The following KIAA1217 variants were observed in gnomAD, a reference collection of about 807,000 sequenced individuals.
The protein encoded by KIAA1217 is sickle tail protein homolog.
KIAA1217 carries 88 observed loss-of-function variants against 163.9 expected under a neutral mutation model. The observed-to-expected ratio is 0.54, with a 90% CI of 0.45 to 0.64. The LOEUF is 0.64. Ranked by LOEUF, KIAA1217 falls within the 30% of genes least tolerant of loss-of-function variation. KIAA1217 has a pLI of 0.00. For missense variants in KIAA1217, 2,372 were observed against 2,475.0 expected, an observed-to-expected ratio of 0.96 and a Z score of 0.88; for synonymous variants, 903 against 923.1, an observed-to-expected ratio of 0.98 and a Z score of 0.39.
At chr10:24,484,241 A>ATATATATATATTTTTTTTTTT (rs1376083298) in intron 6 of KIAA1217, among the ~76,000 whole-genome samples, 17 of 75,150 alleles carry the variant, frequency 2.3e-4, no homozygotes, top group Non-Finnish European at 3.0e-4. Context: ...ATATATATAT[A>ATATATATATATTTTTTTTTTT]TTTTTTTTTT....
chr10:23,787,641 T>C (rs1179250092), intron 1 of KIAA1217, among the ~76,000 whole-genome samples: 1 of 152,152 alleles, frequency 6.6e-6, no homozygotes, highest in Non-Finnish European at 1.5e-5. Flanking sequence ...TTGCTGGGAA[T>C]TGTGAGGAGA....
chr10:23,716,234 T>G (rs969012415), intron 1 of KIAA1217, among the ~76,000 whole-genome samples: 1 of 152,140 alleles, frequency 6.6e-6, no homozygotes, highest in Non-Finnish European at 1.5e-5. Context: ...CTTTATGAAA[T>G]AAATGAACAA....
At chr10:23,938,683 A>T (rs1268123544) in intron 1 of KIAA1217, among the ~76,000 whole-genome samples, 8 of 151,870 alleles carry the variant, frequency 5.3e-5, no homozygotes, top group Admixed American at 5.2e-4. Flanking sequence ...AAAAAAAAGG[A>T]TGTGCCTCGG....
chr10:24,433,144 T>G lies in KIAA1217; in HGVS notation c.703T>G (p.Tyr235Asp). The change falls in exon 4 of 21, where the codon TAC becomes GAC. Residue 235 changes from tyrosine (Y) to aspartate (D), a missense_variant. Tyr to Asp is a radical substitution (Grantham distance 160). This residue lies in a region of KIAA1217 where 1,431 missense variants were observed against 1,470.3 expected (regional missense o/e 0.97). Coordinates refer to ENST00000376454, the MANE Select transcript of KIAA1217 (RefSeq NM_019590.5). ...GCTGGAATCGCCCAGTGTCGCCATT[T>G]ACATCAAAGATGAAAGCAGAAATGT... ...KMLESPSVAI[Y>D]IKDESRNVYY... 2 of 1,614,178 alleles carry G rather than the reference T, an allele frequency of 1.2e-6. No individual in the cohort carries two copies. Among genetic ancestry groups the G allele is most frequent in the Non-Finnish European group, 1.7e-6 (2 of 1,180,034 alleles).
At chr10:23,981,164 A>T (rs1051509554) in intron 1 of KIAA1217, among the ~76,000 whole-genome samples, 1 of 152,232 alleles carries the variant, frequency 6.6e-6, no homozygotes, top group Non-Finnish European at 1.5e-5. Context: ...ACTGTTGAAG[A>T]TATTTATCAA....
chr10:24,430,175 C>T (rs1026193666), intron 3 of KIAA1217, among the ~76,000 whole-genome samples: 5 of 152,156 alleles, frequency 3.3e-5, no homozygotes, highest in African/African-American at 1.2e-4. Flanking sequence ...AAGTTTGTCT[C>T]TTCTCATGGG....
chr10:24,494,524 A>G lies in KIAA1217; in HGVS notation c.1704A>G (p.Lys568=), dbSNP rs776365544. 2.5e-6 allele frequency: 4 copies of G among 1,613,946 alleles called. No individual in the cohort carries two copies. In the East Asian group the frequency reaches 8.9e-5, roughly 36 times the overall value. ...ETRERMQAME[K]QIASLTGLVQ... is the part of the protein sequence containing the mutation. ...GAGAGAGGATGCAAGCCATGGAGAAACAGATTGCCAGTTTAACTGGCCTTG... is the reference window on the plus strand; with the variant it reads ...GAGAGAGGATGCAAGCCATGGAGAAGCAGATTGCCAGTTTAACTGGCCTTG... The change falls in exon 7 of 21, where the codon AAA becomes AAG. Residue 568 remains lysine, a synonymous_variant. Coordinates refer to ENST00000376454, the MANE Select transcript of KIAA1217 (RefSeq NM_019590.5).
At chr10:23,761,513 G>A (rs923110642) in intron 1 of KIAA1217, among the ~76,000 whole-genome samples, 16 of 151,960 alleles carry the variant, frequency 1.1e-4, no homozygotes, top group African/African-American at 3.4e-4. Flanking sequence ...TCATTATTAC[G>A]GGAGTCATTC....
intron 1 of KIAA1217, among the ~76,000 whole-genome samples, chr10:23,778,192 G>A (rs374292885): frequency 4.6e-5 from 7 of 152,082 alleles, no homozygotes; most frequent in Middle Eastern, 3.4e-3. Flanking sequence ...CCCCCCCTTC[G>A]GCCTCCCAAA....
At chr10:24,251,997 G>C (rs960579) in intron 2 of KIAA1217, among the ~76,000 whole-genome samples, 107,923 of 151,204 alleles carry the variant, frequency 0.71, 38,779 homozygotes, top group Admixed American at 0.79. Context: ...ATCGTAGCAG[G>C]AATAAGGGAG....
At chr10:24,253,808 G>T (rs1206548870) in intron 2 of KIAA1217, among the ~76,000 whole-genome samples, 2 of 151,864 alleles carry the variant, frequency 1.3e-5, no homozygotes, top group Admixed American at 1.3e-4. Context: ...CCAGCTGCTC[G>T]GGAGGTTGAA....
intron 11 of KIAA1217, among the ~76,000 whole-genome samples, chr10:24,520,651 A>AAAAATATATAT (rs1554926857): frequency 2.5e-5 from 1 of 39,662 alleles, no homozygotes; most frequent in African/African-American, 8.8e-5. Flanking sequence ...AAAAAAAAAA[A>AAAAATATATAT]ATATATATAT....
chr10:23,954,133 C>T (rs1191444908), intron 1 of KIAA1217, among the ~76,000 whole-genome samples: 1 of 152,098 alleles, frequency 6.6e-6, no homozygotes, highest in Non-Finnish European at 1.5e-5. Context: ...GGGCCATTTC[C>T]AGGGGGCTGC....
intron 2 of KIAA1217, among the ~76,000 whole-genome samples, chr10:24,221,275 G>T (rs551399238): frequency 2.6e-5 from 4 of 151,220 alleles, no homozygotes; most frequent in African/African-American, 9.7e-5. Flanking sequence ...CTCCTCTACC[G>T]ACCTCACTGG....
intron 1 of KIAA1217, among the ~76,000 whole-genome samples, chr10:23,941,307 G>A (rs1843754223): frequency 6.6e-6 from 1 of 152,180 alleles, no homozygotes; most frequent in African/African-American, 2.4e-5. Context: ...TTCACGAATG[G>A]TGACGTAGAT....
intron 1 of KIAA1217, among the ~76,000 whole-genome samples, chr10:23,964,098 TTCACCA>T (rs1204832582): frequency 6.6e-6 from 1 of 151,884 alleles, no homozygotes; most frequent in Non-Finnish European, 1.5e-5. Context: ...GAGACGGGGT[TTCACCA>T]TGTTGGCTAG....
chr10:24,386,059 A>C lies in KIAA1217; in HGVS notation c.553+4992A>C, dbSNP rs552289349. ...GGAATTTGAAAATAAGACTCATGTG[A>C]AAACAGGAACAACAGCAGCAACTTC... On this transcript the variant is annotated intron_variant, in intron 3 of 20. Coordinates refer to ENST00000376454, the MANE Select transcript of KIAA1217 (RefSeq NM_019590.5). 4.6e-5 allele frequency among the ~76,000 whole-genome samples: 7 copies of C among 152,296 alleles called. No individual in the cohort carries two copies. The South Asian group carries it at 1.2e-3, about 27-fold the overall frequency.
chr10:24,102,052 C>T (rs995695973), intron 2 of KIAA1217, among the ~76,000 whole-genome samples: 1 of 152,018 alleles, frequency 6.6e-6, no homozygotes, highest in Non-Finnish European at 1.5e-5. Context: ...TGAATTATAT[C>T]CCAATTTTAA....
chr10:24,424,498 G>T (rs1053699881), intron 3 of KIAA1217, among the ~76,000 whole-genome samples: 1 of 152,206 alleles, frequency 6.6e-6, no homozygotes, highest in African/African-American at 2.4e-5. Context: ...GCACAAGATG[G>T]GAACTTGTCT....
Sources: allele counts gnomAD v4.1 joint callset (sites outside exome capture counted in the v4.1 genomes callset), GRCh38; gene constraint gnomAD v4.1.1; regional missense constraint gnomAD v4.1.1; transcripts MANE v1.5; gene names NCBI Gene and HGNC (gene_info 2026-07-23, HGNC 2026-07-21).